TNFSF13B: variants seen among roughly 807,000 people sequenced by gnomAD.
TNFSF13B encodes tumor necrosis factor ligand superfamily member 13B.
Under a neutral mutation model 29.1 loss-of-function variants are expected in TNFSF13B, and 8 were observed. The ratio of observed to expected loss-of-function variants is 0.27; its 90% CI spans 0.16 to 0.50. TNFSF13B has a LOEUF of 0.50. Ranked by LOEUF, TNFSF13B falls within the 20% of genes least tolerant of loss-of-function variation. The pLI, the probability that TNFSF13B is intolerant of heterozygous loss-of-function variation, is 0.98. For missense variants in TNFSF13B, 248 were observed against 334.9 expected, an observed-to-expected ratio of 0.74 and a Z score of 2.03; for synonymous variants, 125 against 130.8, an observed-to-expected ratio of 0.96 and a Z score of 0.30.
At chr13:108,289,244 G>A (rs1881234716) in intron 3 of TNFSF13B, among the ~76,000 whole-genome samples, 1 of 152,036 alleles carries the variant, frequency 6.6e-6, no homozygotes, top group African/African-American at 2.4e-5. Context: ...AGAGTATGCT[G>A]TGATCTTCCT....
chr13:108,279,831 A>G (rs1880881309), intron 2 of TNFSF13B, among the ~76,000 whole-genome samples: 1 of 152,056 alleles, frequency 6.6e-6, no homozygotes, highest in Non-Finnish European at 1.5e-5. Flanking sequence ...CCCTCCCAAC[A>G]TCACCCTCTG....
intron 3 of TNFSF13B, chr13:108,302,762 T>C: frequency 1.0e-6 from 1 of 961,048 alleles, no homozygotes; most frequent in Non-Finnish European, 1.2e-6. Flanking sequence ...GTCACTTTCT[T>C]CTTTCTTCCG....
At chr13:108,283,656 C>T (rs1164314317) in intron 2 of TNFSF13B, among the ~76,000 whole-genome samples, 1 of 152,136 alleles carries the variant, frequency 6.6e-6, no homozygotes, top group Admixed American at 6.5e-5. Context: ...GCTGTTATAA[C>T]AAAATACCAT....
At chr13:108,281,697 G>C (rs8181791) in intron 2 of TNFSF13B, among the ~76,000 whole-genome samples, 1 of 151,938 alleles carries the variant, frequency 6.6e-6, no homozygotes, top group Admixed American at 6.6e-5. Context: ...TGTACTTCTC[G>C]ATCTAGTTTT....
chr13:108,280,252 T>C (rs1384627241), intron 2 of TNFSF13B, among the ~76,000 whole-genome samples: 3 of 152,128 alleles, frequency 2.0e-5, no homozygotes, highest in Non-Finnish European at 4.4e-5. Context: ...ATCAGGAATG[T>C]TTATAAAGTT....
At chr13:108,305,722 CAA>C (rs1382885007) in intron 5 of TNFSF13B, among the ~76,000 whole-genome samples, 1 of 152,066 alleles carries the variant, frequency 6.6e-6, no homozygotes, top group African/African-American at 2.4e-5. Flanking sequence ...TTGCCCATTA[CAA>C]AAAAGCATAC....
intron 2 of TNFSF13B, among the ~76,000 whole-genome samples, chr13:108,284,100 T>C (rs58030029): frequency 0.22 from 32,926 of 151,926 alleles, 4,264 homozygotes; most frequent in East Asian, 0.44. Context: ...GGAGGCGAGG[T>C]GGGCGGTTCA....
intron 3 of TNFSF13B, among the ~76,000 whole-genome samples, chr13:108,290,505 T>C (rs1316472554): frequency 6.6e-6 from 1 of 152,200 alleles, no homozygotes; most frequent in African/African-American, 2.4e-5. Context: ...ATTTGCTTTC[T>C]TTCAAGCCAT....
At chr13:108,288,181 A>G (rs1386937081) in intron 3 of TNFSF13B, among the ~76,000 whole-genome samples, 3 of 152,202 alleles carry the variant, frequency 2.0e-5, no homozygotes, top group Non-Finnish European at 2.9e-5. Flanking sequence ...ATTTGTTTAT[A>G]TAAGATAACT....
upstream of TNFSF13B, chr13:108,269,708 A>T: frequency 1.8e-6 from 1 of 552,198 alleles, no homozygotes; most frequent in Non-Finnish European, 3.2e-6. Flanking sequence ...CAGCAAACCT[A>T]CTGTACAGTA....
intron 3 of TNFSF13B, among the ~76,000 whole-genome samples, chr13:108,293,280 T>C (rs1290754273): frequency 6.6e-6 from 1 of 152,196 alleles, no homozygotes; most frequent in East Asian, 1.9e-4. Context: ...TGTTTCTTTA[T>C]ACACCTCGCC....
In TNFSF13B at chr13:108,270,115, G is replaced by A. The variant is rs1297686693; in HGVS notation, c.220G>A (p.Gly74Arg). The change falls in exon 1 of 6, where the codon GGG becomes AGG. Residue 74 changes from glycine (G) to arginine (R), a missense_variant. Physicochemically the swap from Gly to Arg is moderately radical, Grantham distance 125. Transcript: ENST00000375887. Reference sequence around the variant, plus strand: ...TTTCTACCAGGTGGCCGCCCTGCAAGGGGACCTGGCCAGCCTCCGGGCAGA... The same window carrying A: ...TTTCTACCAGGTGGCCGCCCTGCAAAGGGACCTGGCCAGCCTCCGGGCAGA... ...VSFYQVAALQ[G>R]DLASLRAELQ... 3 of 1,602,772 alleles carry A rather than the reference G, an allele frequency of 1.9e-6. No homozygotes were observed. The highest frequency in any genetic ancestry group is 3.3e-5 in the Admixed American group (2 of 59,996).
At chr13:108,286,700 A>G in intron 2 of TNFSF13B, 103 bp from the exon 3 acceptor site, 1 of 620,768 alleles carries the variant, frequency 1.6e-6, no homozygotes, top group South Asian at 1.9e-5. Flanking sequence ...TAAAAAGTAT[A>G]ATTGATTTAG....
chr13:108,302,878 AG>A, intron 3 of TNFSF13B: 3 of 989,842 alleles, frequency 3.0e-6, no homozygotes, highest in South Asian at 9.4e-5. Context: ...TGGGAATCAA[AG>A]GAAAATCTCT....
intron 2 of TNFSF13B, 39 bp from the exon 3 acceptor site, chr13:108,286,764 C>G: frequency 1.4e-6 from 2 of 1,426,740 alleles, no homozygotes; most frequent in South Asian, 2.5e-5. Flanking sequence ...TTTATTATTT[C>G]TACTCAAGTA....
chr13:108,277,520 G>A (rs986725764), intron 2 of TNFSF13B, among the ~76,000 whole-genome samples: 1 of 152,092 alleles, frequency 6.6e-6, no homozygotes, highest in African/African-American at 2.4e-5. Context: ...CCAGACCCCC[G>A]GAGAGGGTTC....
intron 2 of TNFSF13B, among the ~76,000 whole-genome samples, chr13:108,276,354 C>A (rs2139043124): frequency 6.6e-6 from 1 of 152,348 alleles, no homozygotes; most frequent in African/African-American, 2.4e-5. Flanking sequence ...GTTGCAAGAA[C>A]TGGCTTCTGT....
intron 3 of TNFSF13B, among the ~76,000 whole-genome samples, chr13:108,297,303 A>T (rs1262441134): frequency 6.9e-6 from 1 of 145,778 alleles, no homozygotes; most frequent in Non-Finnish European, 1.5e-5. Flanking sequence ...TTGATGACAA[A>T]TCAGCTATTA....
chr13:108,302,258 G>A (rs1035925088), intron 3 of TNFSF13B, among the ~76,000 whole-genome samples: 2 of 151,882 alleles, frequency 1.3e-5, no homozygotes, highest in Non-Finnish European at 2.9e-5. Context: ...AATTATATAG[G>A]GACATTTAAA....
Sources: allele counts gnomAD v4.1 joint callset (sites outside exome capture counted in the v4.1 genomes callset), GRCh38; gene constraint gnomAD v4.1.1; transcripts MANE v1.5; gene names NCBI Gene and HGNC (gene_info 2026-07-23, HGNC 2026-07-21).